ARID4B: variants seen among roughly 807,000 people sequenced by gnomAD.
The protein encoded by ARID4B is AT-rich interactive domain-containing protein 4B.
Under a neutral mutation model 147.5 loss-of-function variants are expected in ARID4B, and 26 were observed. The ratio of observed to expected loss-of-function variants is 0.18; its 90% CI spans 0.13 to 0.24. The LOEUF is 0.24. ARID4B is among the 10% of genes least tolerant of loss of function. ARID4B has a pLI of 1.00. For missense variants in ARID4B, 1,179 were observed against 1,511.5 expected (o/e 0.78, Z 3.65); for synonymous variants, 512 against 507.9 (o/e 1.01, Z -0.11).
intron 10 of ARID4B, among the ~76,000 whole-genome samples, chr1:235,230,594 T>TAA (rs1175996354): frequency 0.1 from 5,947 of 58,038 alleles, 143 homozygotes; most frequent in Non-Finnish European, 0.13. Flanking sequence ...GACTATAAGC[T>TAA]AAAAAAAAAA....
chr1:235,183,290 GCT>G (rs796376437), intron 19 of ARID4B, among the ~76,000 whole-genome samples: 1 of 151,370 alleles, frequency 6.6e-6, no homozygotes, highest in South Asian at 2.1e-4. Context: ...CTCACAGCAA[GCT>G]CTGCCTCCTG....
chr1:235,249,020 A>G (rs530696352), intron 6 of ARID4B, among the ~76,000 whole-genome samples: 1 of 152,344 alleles, frequency 6.6e-6, no homozygotes, highest in South Asian at 2.1e-4. Context: ...AATTGCACAT[A>G]GTAAATACAA....
intron 2 of ARID4B, among the ~76,000 whole-genome samples, chr1:235,292,856 G>C (rs1672428801): frequency 6.6e-6 from 1 of 152,160 alleles, no homozygotes; most frequent in South Asian, 2.1e-4. Flanking sequence ...CTGCTGAGCA[G>C]AAAACTGGAA....
chr1:235,313,268 A>G (rs570696253), intron 2 of ARID4B, among the ~76,000 whole-genome samples: 8 of 152,176 alleles, frequency 5.3e-5, no homozygotes, highest in African/African-American at 1.9e-4. Flanking sequence ...GACCTCAAGT[A>G]ATCTGCCAGC....
chr1:235,223,990 AG>A (rs1197024166), intron 12 of ARID4B, among the ~76,000 whole-genome samples: 1 of 152,242 alleles, frequency 6.6e-6, no homozygotes, highest in Non-Finnish European at 1.5e-5. Flanking sequence ...ATATTGAAAA[AG>A]AAAATATACT....
chr1:235,199,056 G>A (rs1484754798), intron 17 of ARID4B, among the ~76,000 whole-genome samples: 3 of 152,076 alleles, frequency 2.0e-5, no homozygotes, highest in Non-Finnish European at 2.9e-5. Context: ...CCGAGATCGC[G>A]CCATTGCACT....
chr1:235,217,670 T>C (rs1237935845), intron 16 of ARID4B, among the ~76,000 whole-genome samples: 1 of 152,186 alleles, frequency 6.6e-6, no homozygotes, highest in Non-Finnish European at 1.5e-5. Flanking sequence ...ATTTTACATA[T>C]ATCAACTTCT....
Position 235,213,963 on chromosome 1 carries a change from T to TTCCTCC in ARID4B, c.1641_1646dup (p.Glu552_Glu553dup). The TTCCTCC allele has an allele frequency of 1.3e-6, 2 of 1,577,376 alleles. No individual in the cohort carries two copies. The highest frequency in any genetic ancestry group is 1.7e-6 in the Non-Finnish European group (2 of 1,147,446). On this transcript the variant is annotated inframe_insertion, in exon 17 of 24. Transcript: ENST00000264183. ...CATCATCTTCATCCTCTTCTTCTTC[T>TTCCTCC]TCCTCCTCCTCCTCCTCTTCTGCTT...
intron 17 of ARID4B, among the ~76,000 whole-genome samples, chr1:235,197,155 TC>T (rs943609038): frequency 8.5e-5 from 13 of 152,218 alleles, no homozygotes; most frequent in African/African-American, 3.1e-4. Flanking sequence ...TATTCGTTCT[TC>T]ATTCATTCAA....
At chr1:235,231,259 AGAT>A in intron 9 of ARID4B, 70 bp from the exon 10 acceptor site, 1 of 802,752 alleles carries the variant, frequency 1.2e-6, no homozygotes, top group South Asian at 1.8e-5. Context: ...TTAAGAATCC[AGAT>A]GATTACATAT....
chr1:235,206,010 G>T (rs956312340), intron 17 of ARID4B, among the ~76,000 whole-genome samples: 3 of 152,144 alleles, frequency 2.0e-5, no homozygotes, highest in African/African-American at 7.2e-5. Flanking sequence ...GCTCCAGTGA[G>T]AGGGTCAAGC....
At chr1:235,209,562 TG>T (rs1666563977) in intron 17 of ARID4B, among the ~76,000 whole-genome samples, 3 of 139,282 alleles carry the variant, frequency 2.2e-5, no homozygotes, top group South Asian at 2.1e-4. Context: ...TTTTGTTTTT[TG>T]TTTTGTTTTT....
chr1:235,242,966 T>A (rs1483606823), intron 7 of ARID4B, among the ~76,000 whole-genome samples: 1 of 152,190 alleles, frequency 6.6e-6, no homozygotes, highest in African/African-American at 2.4e-5. Context: ...TCATACTATA[T>A]AATTTACTTA....
At chr1:235,217,269 T>C (rs960330077) in intron 16 of ARID4B, among the ~76,000 whole-genome samples, 1 of 152,156 alleles carries the variant, frequency 6.6e-6, no homozygotes, top group Non-Finnish European at 1.5e-5. Flanking sequence ...TTCTACTCTC[T>C]AAGACTTCAG....
At chr1:235,225,744 CAT>C (rs1181345312) in intron 11 of ARID4B, among the ~76,000 whole-genome samples, 2 of 152,234 alleles carry the variant, frequency 1.3e-5, no homozygotes, top group East Asian at 1.9e-4. Flanking sequence ...TAAATAAAAA[CAT>C]AGCATTTTTC....
intron 2 of ARID4B, among the ~76,000 whole-genome samples, chr1:235,296,614 T>C (rs1456128299): frequency 2.0e-5 from 3 of 151,686 alleles, no homozygotes; most frequent in African/African-American, 4.8e-5. Context: ...CACACCACCA[T>C]GCCTGGCTAA....
chr1:235,274,434 C>G (rs1215617386), intron 2 of ARID4B, among the ~76,000 whole-genome samples: 1 of 151,752 alleles, frequency 6.6e-6, no homozygotes, highest in Non-Finnish European at 1.5e-5. Context: ...ACTTTTGCAC[C>G]AACCTAATAG....
intron 6 of ARID4B, among the ~76,000 whole-genome samples, chr1:235,252,498 T>C (rs922251880): frequency 6.6e-6 from 1 of 152,210 alleles, no homozygotes; most frequent in Admixed American, 6.5e-5. Flanking sequence ...TAAAGCCCAT[T>C]GTATTTTCTC....
chr1:235,177,628 CTATTT>C (rs1663984206), intron 21 of ARID4B, 167 bp downstream of exon 21: 1 of 471,994 alleles, frequency 2.1e-6, no homozygotes, highest in Non-Finnish European at 3.7e-6. Flanking sequence ...TTTTTTTTGT[CTATTT>C]TGTTTTTTAA....
Sources: gnomAD v4.1 joint callset for allele counts (sites outside exome capture counted in the v4.1 genomes callset) on GRCh38, gnomAD v4.1.1 for gene constraint, MANE v1.5 for transcripts, NCBI Gene and HGNC (gene_info 2026-07-23, HGNC 2026-07-21) for gene names.